The following ROBO2 variants were observed in gnomAD, a reference collection of about 807,000 sequenced individuals.
The protein encoded by ROBO2 is roundabout homolog 2.
A neutral mutation model predicts 160.8 loss-of-function variants in ROBO2; 53 were observed. The ratio of observed to expected loss-of-function variants is 0.33; its 90% CI spans 0.26 to 0.41. The LOEUF (loss-of-function observed/expected upper bound fraction) is 0.41. ROBO2 is among the 10% of genes least tolerant of loss of function. The pLI is 1.00. For synonymous variants in ROBO2, 664 were observed against 611.7 expected (o/e 1.09, Z -1.26); for missense variants, 1,577 against 1,722.4 (o/e 0.92, Z 1.49).
chr3:75,949,053 T>A (rs1368382066), intron 2 of ROBO2, among the ~76,000 whole-genome samples: 1 of 152,264 alleles, frequency 6.6e-6, no homozygotes, highest in East Asian at 1.9e-4. Context: ...TTTAGATTTT[T>A]GTATTTAAAA....
At chr3:77,496,654 C>T (rs1020175155) in intron 5 of ROBO2, among the ~76,000 whole-genome samples, 9 of 152,066 alleles carry the variant, frequency 5.9e-5, no homozygotes, top group Non-Finnish European at 1.2e-4. Context: ...CACATTTATA[C>T]GAAAGCTTTG....
chr3:76,661,204 TG>T (rs1404948909), intron 2 of ROBO2, among the ~76,000 whole-genome samples: 2 of 152,198 alleles, frequency 1.3e-5, no homozygotes, highest in Non-Finnish European at 2.9e-5. Context: ...CAGTGTTTTA[TG>T]CAGTTCCTGG....
intron 6 of ROBO2, 72 bp downstream of exon 7, chr3:77,527,486 T>C: frequency 9.7e-7 from 1 of 1,033,694 alleles, no homozygotes; most frequent in Non-Finnish European, 1.3e-6. Flanking sequence ...TAGTAAGATT[T>C]GACAGAATGA....
chr3:76,236,833 G>A (rs1026252706), intron 2 of ROBO2, among the ~76,000 whole-genome samples: 1 of 151,950 alleles, frequency 6.6e-6, no homozygotes, highest in Admixed American at 6.6e-5. Flanking sequence ...ACTAGATAAC[G>A]TAAGATCTGG....
chr3:76,645,948 T>A (rs1408076395), intron 2 of ROBO2, among the ~76,000 whole-genome samples: 1 of 152,158 alleles, frequency 6.6e-6, no homozygotes, highest in Non-Finnish European at 1.5e-5. Flanking sequence ...ACACTGTGTC[T>A]TGTTTGTATT....
chr3:76,948,086 C>G (rs932691277), intron 2 of ROBO2, among the ~76,000 whole-genome samples: 18 of 152,086 alleles, frequency 1.2e-4, no homozygotes, highest in Admixed American at 2.0e-4. Context: ...CTGAAAAGCC[C>G]TTTATTTATC....
chr3:77,617,612 ACCT>A (rs1432448817), exon 22 of ROBO2: 1 of 1,613,986 alleles, frequency 6.2e-7, no homozygotes. Flanking sequence ...GGGTCCCAAC[ACCT>A]CCTGTTCGAG....
At chr3:77,286,317 C>T (rs981238590) in intron 2 of ROBO2, among the ~76,000 whole-genome samples, 15 of 136,936 alleles carry the variant, frequency 1.1e-4, no homozygotes, top group Non-Finnish European at 1.8e-4. Flanking sequence ...AGTATATTGG[C>T]GTGATCTCTG....
At chr3:77,375,141 G>A (rs1355788964) in intron 2 of ROBO2, among the ~76,000 whole-genome samples, 1 of 152,212 alleles carries the variant, frequency 6.6e-6, no homozygotes, top group Non-Finnish European at 1.5e-5. Context: ...GAGGCCAGGA[G>A]TTCAAGGTTC....
chr3:76,731,522 G>T (rs939045883), intron 2 of ROBO2, among the ~76,000 whole-genome samples: 4 of 152,006 alleles, frequency 2.6e-5, no homozygotes, highest in African/African-American at 7.2e-5. Context: ...TAACTTAAAG[G>T]AATACAGTCT....
chr3:76,377,829 A>G (rs1301345480), intron 2 of ROBO2, among the ~76,000 whole-genome samples: 1 of 152,152 alleles, frequency 6.6e-6, no homozygotes, highest in Non-Finnish European at 1.5e-5. Context: ...CTATGACTCC[A>G]AGAATCATTG....
At chr3:75,953,866 T>G (rs569326460) in intron 2 of ROBO2, among the ~76,000 whole-genome samples, 1 of 152,030 alleles carries the variant, frequency 6.6e-6, no homozygotes, top group African/African-American at 2.4e-5. Flanking sequence ...CAAATCACCT[T>G]AGTTTTGGTC....
intron 2 of ROBO2, among the ~76,000 whole-genome samples, chr3:76,410,771 A>G (rs1199593058): frequency 6.6e-6 from 1 of 152,186 alleles, no homozygotes; most frequent in East Asian, 1.9e-4. Flanking sequence ...CTTTAATGGT[A>G]TAAACATATT....
chr3:77,516,505 T>A (rs1048608629), intron 5 of ROBO2, among the ~76,000 whole-genome samples: 8 of 151,656 alleles, frequency 5.3e-5, no homozygotes, highest in African/African-American at 1.4e-4. Flanking sequence ...TTGTTTTCTC[T>A]CAGTCTTCAC....
intron 2 of ROBO2, among the ~76,000 whole-genome samples, chr3:77,100,184 G>T (rs1175434117): frequency 1.3e-5 from 2 of 152,020 alleles, no homozygotes; most frequent in Admixed American, 1.3e-4. Flanking sequence ...TGTGTAATGT[G>T]ACAGTAATTT....
chr3:77,249,193 G>GA (rs913690507), intron 2 of ROBO2, among the ~76,000 whole-genome samples: 1 of 151,832 alleles, frequency 6.6e-6, no homozygotes, highest in East Asian at 1.9e-4. Flanking sequence ...GTGAGAACTG[G>GA]AAAAAAACAA....
intron 2 of ROBO2, among the ~76,000 whole-genome samples, chr3:76,437,712 G>A (rs2076749209): frequency 6.6e-6 from 1 of 152,114 alleles, no homozygotes; most frequent in Non-Finnish European, 1.5e-5. Flanking sequence ...TGTTTATGCT[G>A]TGAGTCTTGT....
chr3:76,952,132 A>C (rs2078994190), intron 2 of ROBO2, among the ~76,000 whole-genome samples: 1 of 152,186 alleles, frequency 6.6e-6, no homozygotes, highest in South Asian at 2.1e-4. Context: ...CATAGTAGAT[A>C]TATTCTCTGG....
intron 2 of ROBO2, among the ~76,000 whole-genome samples, chr3:77,290,074 A>C (rs1423910818): frequency 6.6e-6 from 1 of 151,154 alleles, no homozygotes; most frequent in African/African-American, 2.4e-5. Context: ...CAAAGACATA[A>C]AGTAAAATTG....
Sources: allele counts gnomAD v4.1 joint callset (sites outside exome capture counted in the v4.1 genomes callset), GRCh38; gene constraint gnomAD v4.1.1; transcripts MANE v1.5; gene names NCBI Gene and HGNC (gene_info 2026-07-23, HGNC 2026-07-21).